The following ADGRL2 variants were observed in gnomAD, a reference collection of about 807,000 sequenced individuals.
ADGRL2 encodes adhesion G protein-coupled receptor L2.
ADGRL2 carries 44 observed loss-of-function variants against 157.4 expected under a neutral mutation model. The observed-to-expected ratio is 0.28, with a 90% CI of 0.22 to 0.36. The LOEUF is 0.36. ADGRL2 is among the 10% of genes least tolerant of loss of function. The pLI, the probability that ADGRL2 is intolerant of heterozygous loss-of-function variation, is 1.00. For missense variants in ADGRL2, 1,510 were observed against 1,768.9 expected (o/e 0.85, Z 2.63); for synonymous variants, 585 against 624.7 (o/e 0.94, Z 0.95).
At chr1:81,902,205 T>C (rs1206259103) in intron 2 of ADGRL2, among the ~76,000 whole-genome samples, 1 of 152,178 alleles carries the variant, frequency 6.6e-6, no homozygotes, top group African/African-American at 2.4e-5. Context: ...TGGGTTAAGA[T>C]AGGGGTTGTG....
At chr1:81,828,567 T>G (rs771847456) in intron 1 of ADGRL2, among the ~76,000 whole-genome samples, 1 of 152,204 alleles carries the variant, frequency 6.6e-6, no homozygotes, top group East Asian at 1.9e-4. Flanking sequence ...TGGCAAGTAA[T>G]TCAAGCTTCT....
At chr1:81,566,564 A>T (rs2080567625) in intron 2 of ADGRL2, among the ~76,000 whole-genome samples, 1 of 152,116 alleles carries the variant, frequency 6.6e-6, no homozygotes, top group South Asian at 2.1e-4. Flanking sequence ...TGTTCCACAA[A>T]TTTACTTGGA....
intron 6 of ADGRL2, 86 bp from the exon 7 acceptor site, chr1:81,950,103 T>G: frequency 9.6e-7 from 1 of 1,044,478 alleles, no homozygotes; most frequent in South Asian, 1.5e-5. Context: ...TGTGTGTGTG[T>G]GTGCATGCAC....
intron 1 of ADGRL2, among the ~76,000 whole-genome samples, chr1:81,430,245 T>C (rs79731287): frequency 0.01 from 1,584 of 152,286 alleles, 14 homozygotes; most frequent in East Asian, 0.068. Flanking sequence ...AAATGATAGA[T>C]GGCAATGTAG....
chr1:81,848,233 A>G (rs938856103), intron 2 of ADGRL2, among the ~76,000 whole-genome samples: 1 of 151,850 alleles, frequency 6.6e-6, no homozygotes, highest in Non-Finnish European at 1.5e-5. Context: ...CTCTTAAACC[A>G]CTCAAAAGTA....
At chr1:81,417,632 C>T (rs1266927348) in intron 1 of ADGRL2, among the ~76,000 whole-genome samples, 4 of 152,186 alleles carry the variant, frequency 2.6e-5, no homozygotes, top group Non-Finnish European at 5.9e-5. Context: ...AAATATATTA[C>T]TAGGCTCTAC....
chr1:81,310,555 C>T (rs772247761), intron 1 of ADGRL2, among the ~76,000 whole-genome samples: 7 of 152,118 alleles, frequency 4.6e-5, no homozygotes, highest in Non-Finnish European at 8.8e-5. Context: ...TTCTGTGATA[C>T]CAGCATTCTT....
Position 81,322,109 on chromosome 1 carries a change from T to TATATATATATATAC in ADGRL2, c.-302+15601_-302+15602insTATATATATATACA, listed in dbSNP as rs71592379. ...ATTCATATATATATATATATATATATACACATATATATATACACACACACA... is the reference window on the plus strand; with the variant it reads ...ATTCATATATATATATATATATATATATATATATATATACACACATATATATATACACACACACA... On this transcript the variant is annotated intron_variant, in intron 1 of 24. Transcript: ENST00000370721. Among the ~76,000 whole-genome samples the TATATATATATATAC allele has an allele frequency of 3.7e-4, 48 of 129,822 alleles. 1 individual carries two copies. Among genetic ancestry groups the TATATATATATATAC allele is most frequent in the African/African-American group, 1.3e-3 (46 of 34,976 alleles). The allele number at this position is 129,822 out of a possible 152,430, so 85.2% of individuals were successfully genotyped here.
chr1:81,659,723 T>A (rs1464391076), intron 3 of ADGRL2, among the ~76,000 whole-genome samples: 1 of 152,226 alleles, frequency 6.6e-6, no homozygotes, highest in Non-Finnish European at 1.5e-5. Context: ...ATTACCATCT[T>A]TATCACATTT....
chr1:81,594,572 A>T (rs1342465501), intron 3 of ADGRL2, among the ~76,000 whole-genome samples: 1 of 152,222 alleles, frequency 6.6e-6, no homozygotes, highest in Admixed American at 6.5e-5. Context: ...TTTTAAAAAC[A>T]TTTATTCCAT....
rs186116402 is a variant in ADGRL2 at position 81,746,327 on chromosome 1, C to T, written c.-142-15484C>T. 2.7e-3 allele frequency among the ~76,000 whole-genome samples: 404 copies of T among 152,198 alleles called. 1 individual carries two copies. Among genetic ancestry groups the T allele is most frequent in the African/African-American group, 9.3e-3 (385 of 41,516 alleles). ...TTTTTGAGACAGGGTCTTGCTCTGTCGCCCAGGCTTGAGGGCAGTGGTGTG... is the reference window on the plus strand; with the variant it reads ...TTTTTGAGACAGGGTCTTGCTCTGTTGCCCAGGCTTGAGGGCAGTGGTGTG... On this transcript the variant is annotated intron_variant, in intron 1 of 20. Coordinates refer to the ADGRL2 transcript ENST00000359929.
intron 2 of ADGRL2, chr1:81,503,177 T>A: frequency 1.2e-6 from 2 of 1,614,058 alleles, no homozygotes; most frequent in South Asian, 1.1e-5. Flanking sequence ...GCACGGCAGC[T>A]CCCCATGAAG....
chr1:81,817,946 T>G lies in ADGRL2; in HGVS notation c.-101+16878T>G, dbSNP rs72941164. Among the ~76,000 whole-genome samples the G allele has an allele frequency of 1.3e-3, 191 of 152,092 alleles. 1 individual carries two copies. Among genetic ancestry groups the G allele is most frequent in the African/African-American group, 4.6e-3 (191 of 41,472 alleles). On this transcript the variant is annotated intron_variant, in intron 1 of 23. Transcript: ENST00000686636. ...ATAGAGGATGAAGTGGTAGGATAAC[T>G]TGAGGCCAGGAGTTCGAGATCGGCC...
At chr1:81,903,830 C>T (rs1164711182) in intron 2 of ADGRL2, among the ~76,000 whole-genome samples, 2 of 148,826 alleles carry the variant, frequency 1.3e-5, no homozygotes, top group African/African-American at 2.5e-5. Flanking sequence ...CACACACACA[C>T]ACACACACAC....
At chr1:81,485,342 A>C (rs2078477968) in intron 2 of ADGRL2, among the ~76,000 whole-genome samples, 1 of 152,134 alleles carries the variant, frequency 6.6e-6, no homozygotes, top group Admixed American at 6.6e-5. Context: ...AACTCCAATA[A>C]AAAGCCTAGA....
At chr1:81,892,039 G>T (rs2094281569) in intron 2 of ADGRL2, among the ~76,000 whole-genome samples, 1 of 151,552 alleles carries the variant, frequency 6.6e-6, no homozygotes, top group Admixed American at 6.6e-5. Context: ...ATGAATTTCA[G>T]TTTCTATTAG....
intron 3 of ADGRL2, among the ~76,000 whole-genome samples, chr1:81,657,397 G>T (rs970786919): frequency 6.6e-6 from 1 of 152,120 alleles, no homozygotes; most frequent in African/African-American, 2.4e-5. Flanking sequence ...CTTGGACTTC[G>T]CAGCCTCCAG....
chr1:81,841,622 C>G (rs555806131), intron 2 of ADGRL2, among the ~76,000 whole-genome samples: 1 of 152,080 alleles, frequency 6.6e-6, no homozygotes, highest in Non-Finnish European at 1.5e-5. Flanking sequence ...GATTTACACA[C>G]GCATATAACA....
chr1:81,761,515 G>A (rs2085880489), intron 1 of ADGRL2, among the ~76,000 whole-genome samples: 1 of 151,708 alleles, frequency 6.6e-6, no homozygotes, highest in Non-Finnish European at 1.5e-5. Flanking sequence ...TGAGCTAAAG[G>A]GCTGAGTGAA....
Sources: allele counts gnomAD v4.1 joint callset (sites outside exome capture counted in the v4.1 genomes callset), GRCh38; gene constraint gnomAD v4.1.1; transcripts MANE v1.5; gene names NCBI Gene and HGNC (gene_info 2026-07-23, HGNC 2026-07-21).